TAFA5: variants seen among roughly 807,000 people sequenced by gnomAD.
TAFA5 encodes chemokine-like protein TAFA-5.
TAFA5 carries 6 observed loss-of-function variants against 15.3 expected under a neutral mutation model. The ratio of observed to expected loss-of-function variants is 0.39; its 90% confidence interval spans 0.21 to 0.77. The LOEUF (loss-of-function observed/expected upper bound fraction) is 0.77. Ranked by LOEUF, TAFA5 falls within the 30% of genes least tolerant of loss-of-function variation. TAFA5 has a pLI of 0.41. For missense variants in TAFA5, 161 were observed against 193.1 expected, an observed-to-expected ratio of 0.83 and a Z score of 0.98; for synonymous variants, 103 against 80.7, an observed-to-expected ratio of 1.28 and a Z score of -1.48.
In TAFA5 at chr22:48,742,507, G is replaced by C. The variant is rs1040323656; in HGVS notation, c.391-7332G>C. 6.6e-6 allele frequency among the ~76,000 whole-genome samples: 1 copy of C among 152,134 alleles called. No homozygotes were observed. The highest frequency in any genetic ancestry group is 2.4e-5 in the African/African-American group (1 of 41,400). Reference sequence around the variant, plus strand: ...GTGGAGCGGGCGTTGTGGTGGACCCGGTGGCGTGGCAGACCAGGCGACGTG... The same window carrying C: ...GTGGAGCGGGCGTTGTGGTGGACCCCGTGGCGTGGCAGACCAGGCGACGTG... On this transcript the variant is annotated intron_variant, in intron 3 of 3. Transcript: ENST00000402357. The surrounding 1 kb of genome is among the most constrained non-coding windows in gnomAD (Gnocchi z 6.2).
chr22:48,492,242 C>T (rs899060477), intron 1 of TAFA5, among the ~76,000 whole-genome samples: 13 of 151,754 alleles, frequency 8.6e-5, no homozygotes, highest in Non-Finnish European at 2.9e-5. Flanking sequence ...TTCGTATTCT[C>T]GTTTGTAAAT....
At chr22:48,635,905 G>A (rs1023893733) in intron 1 of TAFA5, among the ~76,000 whole-genome samples, 1 of 152,234 alleles carries the variant, frequency 6.6e-6, no homozygotes, top group South Asian at 2.1e-4. Flanking sequence ...ACCTGCTTCT[G>A]TCGGATTTCA....
chr22:48,667,189 T>C (rs1447093727), intron 2 of TAFA5, among the ~76,000 whole-genome samples: 1 of 152,084 alleles, frequency 6.6e-6, no homozygotes, highest in Non-Finnish European at 1.5e-5. Flanking sequence ...GGTCTGCCCA[T>C]CCGAGCGGCC....
At chr22:48,681,651 C>CAAA (rs11327855) in intron 2 of TAFA5, among the ~76,000 whole-genome samples, 29 of 120,728 alleles carry the variant, frequency 2.4e-4, no homozygotes, top group Admixed American at 1.5e-3. Flanking sequence ...ACTCCATCTC[C>CAAA]AAAAAAAAAA....
chr22:48,544,351 G>C (rs962091799), intron 1 of TAFA5: 2 of 316,152 alleles, frequency 6.3e-6, no homozygotes, highest in African/African-American at 2.2e-5. Context: ...GCTGCACAGG[G>C]CAAGCCAATG....
At chr22:48,657,935 A>T (rs1218372331) in intron 2 of TAFA5, among the ~76,000 whole-genome samples, 1 of 151,976 alleles carries the variant, frequency 6.6e-6, no homozygotes, top group African/African-American at 2.4e-5. Flanking sequence ...TAAAGTGTCC[A>T]CTACACCCTG....
At chr22:48,714,089 A>G (rs1036771154) in intron 3 of TAFA5, among the ~76,000 whole-genome samples, 5 of 152,246 alleles carry the variant, frequency 3.3e-5, no homozygotes, top group African/African-American at 9.6e-5. Flanking sequence ...GCGGCCCTGC[A>G]GAAGGACAGA....
At chr22:48,695,426 T>C (rs1569082935) in intron 2 of TAFA5, among the ~76,000 whole-genome samples, 1 of 152,190 alleles carries the variant, frequency 6.6e-6, no homozygotes, top group Non-Finnish European at 1.5e-5. Flanking sequence ...TTTTCCAAGC[T>C]GTTGAGTACA....
chr22:48,543,546 G>C (rs893809018), intron 1 of TAFA5: 2 of 152,344 alleles, frequency 1.3e-5, no homozygotes, highest in African/African-American at 4.8e-5. Flanking sequence ...CGCCATGACA[G>C]AGCAGGACAC....
chr22:48,554,175 T>A (rs763785108), intron 1 of TAFA5, among the ~76,000 whole-genome samples: 2 of 152,122 alleles, frequency 1.3e-5, no homozygotes, highest in Non-Finnish European at 2.9e-5. Flanking sequence ...CTGAAAGGGC[T>A]CCCGGCAAAA....
rs755540452 is a variant in TAFA5 at position 48,693,396 on chromosome 22, C to T, written c.263-14321C>T. On this transcript the variant is annotated intron_variant, in intron 2 of 3. Coordinates refer to ENST00000402357, the MANE Select transcript of TAFA5 (RefSeq NM_001082967.3). ...GGAATGGCCAGGTGAGTCGGAGATC[C>T]GTGCGCGTCATAGTGCAGCCCGTGC... The T allele has an allele frequency of 2.0e-5, 32 of 1,612,416 alleles. No individual in the cohort carries two copies. The South Asian group carries it at 2.5e-4, about 13-fold the overall frequency.
At chr22:48,674,133 G>A (rs940958594) in intron 2 of TAFA5, among the ~76,000 whole-genome samples, 6 of 152,128 alleles carry the variant, frequency 3.9e-5, no homozygotes, top group African/African-American at 9.7e-5. Flanking sequence ...ATTGCCCTCC[G>A]CCCTTCCTCC....
chr22:48,546,636 C>G (rs1043457260), intron 1 of TAFA5: 38 of 469,910 alleles, frequency 8.1e-5, no homozygotes, highest in Middle Eastern at 3.3e-4. Context: ...AGGGCATGGC[C>G]TGGCGAGTCC....
intron 1 of TAFA5, among the ~76,000 whole-genome samples, chr22:48,577,602 G>A (rs1923862912): frequency 6.6e-6 from 1 of 152,252 alleles, no homozygotes; most frequent in South Asian, 2.1e-4. Flanking sequence ...TTCCTGCAGA[G>A]GAAGGGCTTG....
chr22:48,636,081 C>T (rs1004475878), intron 1 of TAFA5, among the ~76,000 whole-genome samples: 8 of 152,212 alleles, frequency 5.3e-5, no homozygotes, highest in East Asian at 1.9e-4. Context: ...CAGTTGCTCC[C>T]GGCAGTGGTG....
intron 1 of TAFA5, among the ~76,000 whole-genome samples, chr22:48,595,467 C>T (rs372706435): frequency 2.6e-5 from 4 of 152,224 alleles, no homozygotes; most frequent in South Asian, 4.1e-4. Flanking sequence ...GTGTTAGATC[C>T]GCAAGTGCTG....
At chr22:48,707,349 G>A (rs368018138) in intron 2 of TAFA5, among the ~76,000 whole-genome samples, 78 of 152,262 alleles carry the variant, frequency 5.1e-4, no homozygotes, top group African/African-American at 1.8e-3. Context: ...TCCTGACTGG[G>A]AACCCCCTCC....
intron 2 of TAFA5, among the ~76,000 whole-genome samples, chr22:48,700,700 G>A (rs2147245873): frequency 6.6e-6 from 1 of 152,306 alleles, no homozygotes; most frequent in South Asian, 2.1e-4. Flanking sequence ...GGCTCGTCCT[G>A]TCTGCAGGCC....
chr22:48,731,632 G>A (rs1453101858), intron 3 of TAFA5, among the ~76,000 whole-genome samples: 3 of 152,140 alleles, frequency 2.0e-5, no homozygotes, highest in East Asian at 1.9e-4. Flanking sequence ...CGTACAACAC[G>A]GCCTGGATGG....
Sources: gnomAD v4.1 joint callset for allele counts (sites outside exome capture counted in the v4.1 genomes callset) on GRCh38, gnomAD v4.1.1 for gene constraint, Gnocchi (gnomAD v3.1) non-coding constraint, MANE v1.5 for transcripts, NCBI Gene and HGNC (gene_info 2026-07-23, HGNC 2026-07-21) for gene names.